Variants in LDB2 observed in about 807,000 individuals in gnomAD.
LDB2 encodes LIM domain-binding protein 2.
LDB2 carries 12 observed loss-of-function variants against 44.3 expected under a neutral mutation model. That is an observed-to-expected ratio of 0.27 (90% CI 0.17 to 0.44). The LOEUF (loss-of-function observed/expected upper bound fraction) is 0.44. Among genes scored for constraint, LDB2 ranks in the 20% least tolerant of loss-of-function variants. The probability of loss-of-function intolerance (pLI) is 1.00; values close to 1 mark genes in which losing one functional copy is unlikely to be tolerated. For synonymous variants in LDB2, 164 were observed against 174.8 expected (o/e 0.94, Z 0.49); for missense variants, 344 against 473.5 (o/e 0.73, Z 2.54).
chr4:16,595,582 G>T (rs1402832166), intron 3 of LDB2, 121 bp downstream of exon 3: 2 of 781,988 alleles, frequency 2.6e-6, no homozygotes, highest in African/African-American at 1.7e-5. Context: ...TTCTCTCATG[G>T]TGTTGAAAGT....
chr4:16,872,086 A>G (rs1716856576), intron 1 of LDB2, among the ~76,000 whole-genome samples: 1 of 152,060 alleles, frequency 6.6e-6, no homozygotes, highest in Admixed American at 6.5e-5. Context: ...TGTAAACTAT[A>G]TATCTTTCTA....
intron 2 of LDB2, among the ~76,000 whole-genome samples, chr4:16,721,814 C>T (rs934738912): frequency 1.3e-5 from 2 of 151,972 alleles, no homozygotes; most frequent in Non-Finnish European, 2.9e-5. Context: ...AATCTAAAGC[C>T]GAAAGAGGGT....
chr4:16,700,202 C>G (rs556862343), intron 2 of LDB2, among the ~76,000 whole-genome samples: 42 of 152,164 alleles, frequency 2.8e-4, no homozygotes, highest in Non-Finnish European at 4.6e-4. Flanking sequence ...TAGGGCTACT[C>G]AACCTGTAAT....
intron 2 of LDB2, among the ~76,000 whole-genome samples, chr4:16,683,558 A>G (rs1748469784): frequency 6.6e-6 from 1 of 152,228 alleles, no homozygotes; most frequent in African/African-American, 2.4e-5. Flanking sequence ...ACCAATTAAC[A>G]AAGAACACAG....
chr4:16,788,301 G>A (rs1774928015), intron 1 of LDB2, among the ~76,000 whole-genome samples: 1 of 152,238 alleles, frequency 6.6e-6, no homozygotes, highest in Admixed American at 6.5e-5. Flanking sequence ...GCCAAGGGGT[G>A]GCTCAAGAGG....
chr4:16,755,472 GGT>G (rs58186199), intron 2 of LDB2, among the ~76,000 whole-genome samples: 4,746 of 118,128 alleles, frequency 0.04, 87 homozygotes, highest in African/African-American at 0.087. Flanking sequence ...GTAGGAATAG[GGT>G]GTGTGTGTGT....
intron 1 of LDB2, among the ~76,000 whole-genome samples, chr4:16,776,930 G>A (rs945029707): frequency 1.3e-5 from 2 of 152,170 alleles, no homozygotes; most frequent in African/African-American, 2.4e-5. Flanking sequence ...GCCTTCTAGG[G>A]TGTTCAGCAG....
At chr4:16,608,792 A>G (rs1331342663) in intron 2 of LDB2, among the ~76,000 whole-genome samples, 1 of 152,112 alleles carries the variant, frequency 6.6e-6, no homozygotes, top group Non-Finnish European at 1.5e-5. Context: ...CCAGGACGAG[A>G]GGAGGGCTTC....
chr4:16,676,141 G>A (rs77313649), intron 2 of LDB2, among the ~76,000 whole-genome samples: 3,187 of 152,294 alleles, frequency 0.021, 121 homozygotes, highest in African/African-American at 0.073. Flanking sequence ...GGGCGTGGAG[G>A]AGAGGTTGTG....
At chr4:16,539,354 C>A (rs1380521270) in intron 5 of LDB2, among the ~76,000 whole-genome samples, 1 of 152,106 alleles carries the variant, frequency 6.6e-6, no homozygotes, top group East Asian at 1.9e-4. Context: ...ATCAAAAATT[C>A]AGCAAGTTTG....
intron 2 of LDB2, among the ~76,000 whole-genome samples, chr4:16,744,799 T>G (rs559775670): frequency 9.2e-4 from 140 of 152,270 alleles, no homozygotes; most frequent in Non-Finnish European, 1.4e-3. Flanking sequence ...TATGAAGAAT[T>G]AGGAAACATT....
At chr4:16,696,757 T>C (rs541441052) in intron 2 of LDB2, among the ~76,000 whole-genome samples, 1 of 152,292 alleles carries the variant, frequency 6.6e-6, no homozygotes, top group African/African-American at 2.4e-5. Flanking sequence ...CCATGATGGG[T>C]CTAAATGCTG....
chr4:16,545,069 C>G (rs1392670946), intron 5 of LDB2, among the ~76,000 whole-genome samples: 3 of 152,060 alleles, frequency 2.0e-5, no homozygotes, highest in Admixed American at 6.6e-5. Context: ...TGGAGAAACA[C>G]CAGCTGTAGC....
intron 2 of LDB2, among the ~76,000 whole-genome samples, chr4:16,631,214 C>T (rs1217901032): frequency 6.6e-6 from 1 of 152,150 alleles, no homozygotes; most frequent in Non-Finnish European, 1.5e-5. Context: ...GGTAAAAGAA[C>T]AGAAATCACA....
At chr4:16,551,552 C>T (rs1241204734) in intron 5 of LDB2, among the ~76,000 whole-genome samples, 1 of 152,088 alleles carries the variant, frequency 6.6e-6, no homozygotes, top group Non-Finnish European at 1.5e-5. Flanking sequence ...GAGTCTCACT[C>T]TGTTGCCCAG....
At chr4:16,551,849 A>G (rs553282323) in intron 5 of LDB2, among the ~76,000 whole-genome samples, 29 of 152,264 alleles carry the variant, frequency 1.9e-4, no homozygotes, top group African/African-American at 7.0e-4. Context: ...TGTTTTTGCA[A>G]TGGAAATATT....
intron 2 of LDB2, among the ~76,000 whole-genome samples, chr4:16,707,372 C>T (rs936694530): frequency 6.6e-6 from 1 of 152,034 alleles, no homozygotes; most frequent in African/African-American, 2.4e-5. Flanking sequence ...GGAAGAAAAA[C>T]CCCTATAATT....
At chr4:16,809,036 T>G (rs1039291915) in intron 1 of LDB2, among the ~76,000 whole-genome samples, 1 of 152,182 alleles carries the variant, frequency 6.6e-6, no homozygotes, top group African/African-American at 2.4e-5. Flanking sequence ...TAGATCTGAA[T>G]TTTTAAACAT....
chr4:16,861,502 CAGAAGTAA>C (rs976416440), intron 1 of LDB2, among the ~76,000 whole-genome samples: 29 of 152,224 alleles, frequency 1.9e-4, no homozygotes, highest in African/African-American at 6.5e-4. Flanking sequence ...AAGAACACAG[CAGAAGTAA>C]CAATTCTTCA....
Sources: allele counts gnomAD v4.1 joint callset (sites outside exome capture counted in the v4.1 genomes callset), GRCh38; gene constraint gnomAD v4.1.1; transcripts MANE v1.5; gene names NCBI Gene and HGNC (gene_info 2026-07-23, HGNC 2026-07-21).